Variants in HERC1 observed in about 807,000 individuals in gnomAD.
The protein encoded by HERC1 is HECT and RLD domain containing E3 ubiquitin protein ligase family member 1, also known as probable E3 ubiquitin-protein ligase HERC1.
HERC1 carries 160 observed loss-of-function variants against 554.3 expected under a neutral mutation model. The observed-to-expected ratio is 0.29, with a 90% confidence interval of 0.25 to 0.33. The LOEUF (loss-of-function observed/expected upper bound fraction) is 0.33, where lower values mean the gene tolerates loss of function less well. Ranked by LOEUF, HERC1 falls within the 10% of genes least tolerant of loss-of-function variation. The probability of loss-of-function intolerance (pLI) is 1.00; values close to 1 mark genes in which losing one functional copy is unlikely to be tolerated. For missense variants in HERC1, 4,919 were observed against 5,918.5 expected (o/e 0.83, Z 5.54); for synonymous variants, 2,175 against 2,131.7 (o/e 1.02, Z -0.56).
At chr15:63,617,790 G>A (rs1417758797) in intron 74 of HERC1, among the ~76,000 whole-genome samples, 1 of 152,076 alleles carries the variant, frequency 6.6e-6, no homozygotes. Context: ...TGTGTCTTTT[G>A]GCTGCATAAA....
Position 63,661,736 on chromosome 15 carries a change from A to G in HERC1, c.9170+17T>C. On this transcript the variant is annotated intron_variant, in intron 45 of 77. Coordinates refer to ENST00000443617, the MANE Select transcript of HERC1 (RefSeq NM_003922.4). ...GTATCTTCAGGAGGTCTGGATATCTACACAATTTCAAGGTACCTTTCAGAA... is the reference window on the plus strand; with the variant it reads ...GTATCTTCAGGAGGTCTGGATATCTGCACAATTTCAAGGTACCTTTCAGAA... The G allele has an allele frequency of 1.2e-6, 2 of 1,612,662 alleles. No homozygotes were observed. Among genetic ancestry groups the G allele is most frequent in the South Asian group, 1.1e-5 (1 of 91,004 alleles).
chr15:63,624,573 T>C (rs887990764), intron 71 of HERC1, among the ~76,000 whole-genome samples: 1 of 152,134 alleles, frequency 6.6e-6, no homozygotes, highest in Admixed American at 6.5e-5. Context: ...CATGTGCCTG[T>C]ACTCCCAGTT....
chr15:63,741,090 G>A (rs576041300), intron 12 of HERC1, among the ~76,000 whole-genome samples: 96 of 151,758 alleles, frequency 6.3e-4, no homozygotes, highest in Non-Finnish European at 9.9e-4. Context: ...GTGCAATGGT[G>A]CGGTCTCCAC....
intron 25 of HERC1, among the ~76,000 whole-genome samples, chr15:63,700,127 T>C (rs965561705): frequency 3.3e-5 from 5 of 152,174 alleles, no homozygotes; most frequent in Non-Finnish European, 7.4e-5. Context: ...TGTTTTAATG[T>C]ATTCCTAAGA....
intron 2 of HERC1, among the ~76,000 whole-genome samples, chr15:63,773,280 C>T (rs897479255): frequency 1.3e-5 from 2 of 151,774 alleles, no homozygotes; most frequent in African/African-American, 2.4e-5. Context: ...CCCGTCTCTA[C>T]TAAAAGTACA....
intron 74 of HERC1, 98 bp downstream of exon 74, chr15:63,622,717 A>C: frequency 1.2e-6 from 1 of 826,112 alleles, no homozygotes; most frequent in Non-Finnish European, 1.9e-6. Context: ...ATAGGTGTAA[A>C]GCACTTAAAA....
chr15:63,833,751 GCGCA>G (rs1389113173), intron 1 of HERC1, 72 bp downstream of exon 1: 3,239 of 72,272 alleles, frequency 0.045, 69 homozygotes, highest in Non-Finnish European at 0.056. Context: ...ACACGCGCGC[GCGCA>G]CACACACACA....
At chr15:63,627,634 A>T (rs992710583) in intron 70 of HERC1, among the ~76,000 whole-genome samples, 3 of 151,470 alleles carry the variant, frequency 2.0e-5, no homozygotes, top group Non-Finnish European at 2.9e-5. Flanking sequence ...AGATTGCGCC[A>T]TTACACTCCA....
Position 63,649,759 on chromosome 15 carries a change from G to A in HERC1, c.10713C>T (p.His3571=), listed in dbSNP as rs759301740. ...GATAGCAATGCTCCAATTCTCGACG[G>A]TGCATGGTGGACACATCAACAACTT... ...LIEVVDVSTM[H]RRELEHCYRK... Residue 3571 remains histidine (H), a synonymous_variant, in exon 54 of 78, where the codon CAC becomes CAT. Coordinates refer to ENST00000443617, the MANE Select transcript of HERC1 (RefSeq NM_003922.4). 6.2e-7 allele frequency: 1 copy of A among 1,613,686 alleles called. No homozygotes were observed. The highest frequency in any genetic ancestry group is 1.1e-5 in the South Asian group (1 of 90,988).
intron 1 of HERC1, among the ~76,000 whole-genome samples, chr15:63,789,262 T>C (rs577313384): frequency 6.7e-6 from 1 of 149,572 alleles, no homozygotes; most frequent in East Asian, 2.1e-4. Flanking sequence ...GGCTAATTTT[T>C]TGTATTTTTA....
intron 24 of HERC1, among the ~76,000 whole-genome samples, chr15:63,709,051 G>A (rs1184734517): frequency 8.5e-5 from 13 of 152,066 alleles, no homozygotes; most frequent in African/African-American, 3.1e-4. Context: ...GTGCAGTGGC[G>A]CCATCTCGGC....
At chr15:63,814,383 T>C (rs1311489607) in intron 1 of HERC1, among the ~76,000 whole-genome samples, 1 of 151,884 alleles carries the variant, frequency 6.6e-6, no homozygotes, top group African/African-American at 2.4e-5. Context: ...TCTTCTTTAA[T>C]ACATGTTATT....
At chr15:63,787,847 C>T (rs185401352) in intron 1 of HERC1, among the ~76,000 whole-genome samples, 5 of 151,500 alleles carry the variant, frequency 3.3e-5, no homozygotes, top group Admixed American at 2.6e-4. Flanking sequence ...TGCCTGTGGT[C>T]CCAGCTGGGG....
intron 39 of HERC1, 53 bp downstream of exon 39, chr15:63,672,443 C>G: frequency 7.6e-7 from 1 of 1,309,674 alleles, no homozygotes; most frequent in Non-Finnish European, 1.1e-6. Context: ...GACAACTGTG[C>G]CTTCAGAAAC....
At chr15:63,824,091 T>A (rs1335704414) in intron 1 of HERC1, among the ~76,000 whole-genome samples, 1 of 152,032 alleles carries the variant, frequency 6.6e-6, no homozygotes, top group African/African-American at 2.4e-5. Flanking sequence ...CACAATGAGG[T>A]ATCACCTGAC....
chr15:63,806,984 G>A (rs2077159135), intron 1 of HERC1, among the ~76,000 whole-genome samples: 1 of 152,082 alleles, frequency 6.6e-6, no homozygotes, highest in Non-Finnish European at 1.5e-5. Context: ...CTGACCTGGT[G>A]ATCCACCCAC....
At chr15:63,700,492 G>C (rs10519213) in intron 25 of HERC1, among the ~76,000 whole-genome samples, 25,518 of 151,500 alleles carry the variant, frequency 0.17, 2,414 homozygotes, top group Middle Eastern at 0.22. Context: ...CTATACTGGT[G>C]TCAATTAAAC....
At chr15:63,748,000 C>A (rs1010889756) in intron 10 of HERC1, 142 bp from the exon 11 acceptor site, 1 of 733,514 alleles carries the variant, frequency 1.4e-6, no homozygotes. Flanking sequence ...CCAAGGAATG[C>A]AGATTACCTG....
Position 63,727,960 on chromosome 15 carries a change from A to G in HERC1, c.3155-122T>C. 2 of 691,314 alleles carry G rather than the reference A, an allele frequency of 2.9e-6. No homozygotes were observed. The highest frequency in any genetic ancestry group is 4.8e-6 in the Non-Finnish European group (2 of 414,110). The allele number at this position is 691,314 out of a possible 1,614,324, so 42.8% of individuals were successfully genotyped here. A position where few individuals can be genotyped will look rare whatever the true frequency, so the allele number is the denominator to read the frequency against. On this transcript the variant is annotated intron_variant, in intron 16 of 77. Transcript: ENST00000443617. This position sits in a 1 kb window ranked among gnomAD's most constrained non-coding sequence, Gnocchi z 4.3. ...GACTCATTCAACAACTCTCTGTTGA[A>G]CACCTACCTGGTAGCTGATGTAGTA... is the stretch of plus-strand genomic sequence containing the variant.
Sources: allele counts gnomAD v4.1 joint callset (sites outside exome capture counted in the v4.1 genomes callset), GRCh38; gene constraint gnomAD v4.1.1; non-coding constraint Gnocchi (gnomAD v3.1); transcripts MANE v1.5; gene names NCBI Gene and HGNC (gene_info 2026-07-23, HGNC 2026-07-21).